HTR2C: variants seen among roughly 807,000 people sequenced by gnomAD.
The protein encoded by HTR2C is 5-hydroxytryptamine receptor 2C.
HTR2C carries 5 observed loss-of-function variants against 21.0 expected under a neutral mutation model. The observed-to-expected ratio is 0.24, with a 90% CI of 0.12 to 0.50. The LOEUF (loss-of-function observed/expected upper bound fraction) is 0.50. Ranked by LOEUF, HTR2C falls within the 20% of genes least tolerant of loss-of-function variation. The pLI, the probability that HTR2C is intolerant of heterozygous loss-of-function variation, is 0.98. For synonymous variants in HTR2C, 150 were observed against 145.3 expected (o/e 1.03, Z -0.23); for missense variants, 271 against 371.2 (o/e 0.73, Z 2.22).
intron 2 of HTR2C, among the ~76,000 whole-genome samples, chrX:114,665,752 GAGA>G (rs1371833357): frequency 9.0e-6 from 1 of 111,312 alleles, no homozygotes; most frequent in African/African-American, 3.3e-5. Flanking sequence ...GGAGGAGGAA[GAGA>G]AGGAGTTGGT....
At chrX:114,899,825 C>T (rs1407109026) in intron 5 of HTR2C, among the ~76,000 whole-genome samples, 1 of 109,262 alleles carries the variant, frequency 9.2e-6, no homozygotes, top group African/African-American at 3.5e-5. Context: ...CCATCTTGGT[C>T]CCCTTAGCAT....
chrX:114,871,521 T>C (rs1355834640), intron 5 of HTR2C, among the ~76,000 whole-genome samples: 1 of 111,465 alleles, frequency 9.0e-6, no homozygotes, highest in Non-Finnish European at 1.9e-5. Flanking sequence ...AAGTGGAGTG[T>C]TGAAGTCTCT....
At chrX:114,852,140 C>A (rs1227708377) in intron 5 of HTR2C, among the ~76,000 whole-genome samples, 1 of 110,791 alleles carries the variant, frequency 9.0e-6, no homozygotes, top group Non-Finnish European at 1.9e-5. Context: ...CCACCAATGG[C>A]ATATAGTCAA....
intron 4 of HTR2C, among the ~76,000 whole-genome samples, chrX:114,754,011 T>C (rs1556428929): frequency 9.0e-6 from 1 of 111,576 alleles, no homozygotes; most frequent in Non-Finnish European, 1.9e-5. Context: ...GGCCATGTTC[T>C]TCTTGTGACT....
At chrX:114,750,296 G>A (rs782313891) in intron 4 of HTR2C, among the ~76,000 whole-genome samples, 15 of 111,023 alleles carry the variant, frequency 1.4e-4, no homozygotes, top group Non-Finnish European at 2.6e-4. Flanking sequence ...ATTTTTTTCC[G>A]GCTTTCTTTT....
intron 4 of HTR2C, among the ~76,000 whole-genome samples, chrX:114,754,626 A>C (rs1185427334): frequency 5.4e-5 from 6 of 111,682 alleles, no homozygotes; most frequent in Admixed American, 9.5e-5. Flanking sequence ...CCTATACAAA[A>C]ATTAAAACAG....
chrX:114,741,514 C>T (rs1288028942), intron 4 of HTR2C, among the ~76,000 whole-genome samples: 2 of 14,384 alleles, frequency 1.4e-4, no homozygotes, highest in Non-Finnish European at 1.6e-4. Context: ...CAGAGCAAGA[C>T]GACTCCGTCT....
intron 4 of HTR2C, among the ~76,000 whole-genome samples, chrX:114,844,794 T>C (rs2070861668): frequency 8.9e-6 from 1 of 111,911 alleles, no homozygotes; most frequent in Admixed American, 9.5e-5. Context: ...ATCTATTGAT[T>C]TCAAGCCATC....
chrX:114,626,974 C>T (rs782344927), intron 2 of HTR2C, among the ~76,000 whole-genome samples: 3 of 111,487 alleles, frequency 2.7e-5, no homozygotes, highest in South Asian at 3.7e-4. Flanking sequence ...CTTCATTAAA[C>T]GTTATGATAT....
chrX:114,903,958 A>G (rs1178232330), intron 5 of HTR2C, among the ~76,000 whole-genome samples: 1 of 111,854 alleles, frequency 8.9e-6, no homozygotes, highest in Non-Finnish European at 1.9e-5. Flanking sequence ...CTTTTGCTGT[A>G]AGGAACCTGG....
At chrX:114,706,500 T>C (rs1932771612) in intron 2 of HTR2C, among the ~76,000 whole-genome samples, 1 of 93,959 alleles carries the variant, frequency 1.1e-5, no homozygotes, top group Non-Finnish European at 2.0e-5. Flanking sequence ...TAGTTGGGAA[T>C]TGAACAATGA....
At position 114,685,821 on chromosome X, in the gene HTR2C, C is replaced by T. The variant is rs937780899; in HGVS notation, c.-79-41037C>T. 9.8e-5 allele frequency among the ~76,000 whole-genome samples: 11 copies of T among 111,823 alleles called. No individual in the cohort carries two copies. The South Asian group carries it at 1.5e-3, about 15-fold the overall frequency. The stretch of plus-strand genomic sequence containing the variant: ...ATTTCTACCTAGCCAGTACTTTATC[C>T]GTGTTAAAAATGTTATTACTCAAAT... On this transcript the variant is annotated intron_variant, in intron 2 of 5. Coordinates refer to ENST00000276198, the MANE Select transcript of HTR2C (RefSeq NM_000868.4).
intron 4 of HTR2C, among the ~76,000 whole-genome samples, chrX:114,836,814 G>T (rs1380983930): frequency 1.8e-5 from 2 of 111,534 alleles, no homozygotes; most frequent in Non-Finnish European, 3.8e-5. Context: ...TTCAGATATT[G>T]ACTTTATATA....
intron 4 of HTR2C, among the ~76,000 whole-genome samples, chrX:114,828,434 T>C (rs1473285983): frequency 9.0e-6 from 1 of 111,336 alleles, no homozygotes; most frequent in Non-Finnish European, 1.9e-5. Context: ...TATCGAAGGG[T>C]TGCTGTCTTT....
chrX:114,838,396 C>A (rs1170354332), intron 4 of HTR2C, among the ~76,000 whole-genome samples: 1 of 111,972 alleles, frequency 8.9e-6, no homozygotes, highest in African/African-American at 3.2e-5. Flanking sequence ...CCCACATTCC[C>A]ATACATCTTA....
intron 2 of HTR2C, among the ~76,000 whole-genome samples, chrX:114,713,678 TTAGG>T (rs1169821255): frequency 2.7e-5 from 3 of 111,756 alleles, no homozygotes; most frequent in African/African-American, 9.7e-5. Context: ...ATTTTTTATA[TTAGG>T]TAAGTTACTT....
chrX:114,849,078 A>G (rs2070895635), intron 5 of HTR2C, among the ~76,000 whole-genome samples: 1 of 112,112 alleles, frequency 8.9e-6, no homozygotes, highest in South Asian at 3.7e-4. Context: ...GATCAAATAC[A>G]TTTAAGTTTT....
rs893137854 is a variant in HTR2C at position 114,669,787 on chromosome X, A to G, written c.-80+55906A>G. 8.0e-5 allele frequency among the ~76,000 whole-genome samples: 9 copies of G among 112,760 alleles called. 1 individual carries two copies. Among genetic ancestry groups the G allele is most frequent in the Admixed American group, 4.7e-4 (5 of 10,697 alleles). Reference sequence around the variant, plus strand: ...TTACAACAGCTAACATTCATTAGACATTATGTATCCAGCATTATTCTAAGA... The same window carrying G: ...TTACAACAGCTAACATTCATTAGACGTTATGTATCCAGCATTATTCTAAGA... On this transcript the variant is annotated intron_variant, in intron 2 of 5. Transcript: ENST00000276198.
intron 5 of HTR2C, among the ~76,000 whole-genome samples, chrX:114,861,983 C>A (rs1180935370): frequency 9.0e-6 from 1 of 110,755 alleles, no homozygotes; most frequent in Admixed American, 9.6e-5. Flanking sequence ...CTTTTTAATT[C>A]GATTTAATCC....
Sources: allele counts gnomAD v4.1 joint callset (sites outside exome capture counted in the v4.1 genomes callset), GRCh38; gene constraint gnomAD v4.1.1; transcripts MANE v1.5; gene names NCBI Gene and HGNC (gene_info 2026-07-23, HGNC 2026-07-21).